The following ECSIT variants were observed in gnomAD, a reference collection of about 807,000 sequenced individuals.
The protein encoded by ECSIT is evolutionarily conserved signaling intermediate in Toll pathway, mitochondrial.
In ECSIT, 29 loss-of-function variants were observed where a neutral mutation model predicts 36.8. That is an observed-to-expected ratio of 0.79 (90% CI 0.59 to 1.08). The LOEUF is 1.08. Among genes scored for constraint, ECSIT ranks in the 50% least tolerant of loss-of-function variants. The probability of loss-of-function intolerance (pLI) is 0.00; values close to 1 mark genes in which losing one functional copy is unlikely to be tolerated. For missense variants in ECSIT, 542 were observed against 581.0 expected (o/e 0.93, Z 0.69); for synonymous variants, 231 against 234.8 (o/e 0.98, Z 0.15).
intron 2 of ECSIT, among the ~76,000 whole-genome samples, chr19:11,517,062 C>T (rs771119417): frequency 1.3e-5 from 2 of 152,084 alleles, no homozygotes; most frequent in Middle Eastern, 3.4e-3. Flanking sequence ...CCACTGTAGA[C>T]ACAGTTGAGC....
rs897286122 is a variant in ECSIT at position 11,519,122 on chromosome 19, A to G, written c.49T>C (p.Trp17Arg). 6.4e-7 allele frequency: 1 copy of G among 1,551,084 alleles called. No individual in the cohort carries two copies. The highest frequency in any genetic ancestry group is 8.7e-7 in the Non-Finnish European group (1 of 1,146,984). The change falls in exon 2 of 8, where the codon TGG becomes CGG. Residue 17 changes from tryptophan (W) to arginine (R), a missense_variant. Trp to Arg is a moderately radical substitution (Grantham distance 101, BLOSUM62 -3). Coordinates refer to ENST00000270517, the MANE Select transcript of ECSIT (RefSeq NM_016581.5). This position sits in a 1 kb window ranked among gnomAD's most constrained non-coding sequence, Gnocchi z 4.4. ...TLLARGLCRAWGGTCGAALTG... is the reference protein window; with the variant it reads ...TLLARGLCRARGGTCGAALTG... Reference sequence around the variant, plus strand: ...AGGGCGGCCCCGCAGGTGCCTCCCCAGGCCCTACAGAGGCCTCGGGCCAGT... The same window carrying G: ...AGGGCGGCCCCGCAGGTGCCTCCCCGGGCCCTACAGAGGCCTCGGGCCAGT...
At chr19:11,510,624 G>A (rs1200354531) in intron 4 of ECSIT, 1 of 152,218 alleles carries the variant, frequency 6.6e-6, no homozygotes, top group East Asian at 1.9e-4. Flanking sequence ...CACCTCTGGG[G>A]AGGGAGACGG....
At chr19:11,523,552 C>CAA in intron 1 of ECSIT, 1 of 1,073,262 alleles carries the variant, frequency 9.3e-7, no homozygotes, top group Admixed American at 1.9e-5. Context: ...GTGAAGCTGC[C>CAA]AAAGCCTTAG....
intron 3 of ECSIT, 148 bp downstream of exon 3, chr19:11,513,656 G>T: frequency 2.1e-6 from 2 of 944,234 alleles, no homozygotes; most frequent in Non-Finnish European, 3.3e-6. Flanking sequence ...AAAGAGAGAT[G>T]AGTGATGAAA....
chr19:11,514,991 A>C (rs1971960849), intron 2 of ECSIT, among the ~76,000 whole-genome samples: 1 of 151,324 alleles, frequency 6.6e-6, no homozygotes, highest in Non-Finnish European at 1.5e-5. Context: ...GACGTGCTCC[A>C]CCACGCCCTG....
At chr19:11,526,939 C>T (rs774693556) in intron 1 of ECSIT, among the ~76,000 whole-genome samples, 23 of 151,820 alleles carry the variant, frequency 1.5e-4, no homozygotes, top group East Asian at 7.8e-4. Context: ...AGGGTGGTCT[C>T]GAACTCCTGA....
intron 1 of ECSIT, among the ~76,000 whole-genome samples, chr19:11,526,048 T>TCC (rs1187397566): frequency 6.6e-6 from 1 of 151,066 alleles, no homozygotes; most frequent in Non-Finnish European, 1.5e-5. Flanking sequence ...CACTGCAACC[T>TCC]CCGTATCCTG....
In ECSIT at chr19:11,506,470, C is replaced by A; in HGVS notation, c.1052-42G>T. 4 of 1,573,880 alleles carry A rather than the reference C, an allele frequency of 2.5e-6. 1 individual carries two copies. In the South Asian group the frequency reaches 4.5e-5, roughly 18 times the overall value. On this transcript the variant is annotated intron_variant, in intron 7 of 7. Transcript: ENST00000270517. ...ACCCTTAAGGTTTGCACAGTGGGGG[C>A]TGCAGCGGCTAACCCATGCCTACAC...
rs2144960760 is a variant in ECSIT at position 11,506,288 on chromosome 19, G to A, written c.1192C>T (p.Arg398Trp). ...PVVFRLAGST[R>W]ELQTSSAGLE... Reference sequence around the variant, plus strand: ...CCTGCAGAGGATGTCTGGAGCTCCCGGGTGGACCCGGCGAGGCGGAAGACC... The same window carrying A: ...CCTGCAGAGGATGTCTGGAGCTCCCAGGTGGACCCGGCGAGGCGGAAGACC... Residue 398 changes from arginine (R) to tryptophan (W), a missense_variant, in exon 8 of 8, where the codon CGG (arginine) becomes TGG (tryptophan). By Grantham distance (101) the Arg-to-Trp change is moderately radical (BLOSUM62 -3). Transcript: ENST00000270517. 6.2e-7 allele frequency: 1 copy of A among 1,612,640 alleles called. No individual in the cohort carries two copies. Among genetic ancestry groups the A allele is most frequent in the East Asian group, 2.2e-5 (1 of 44,874 alleles).
chr19:11,508,418 C>T (rs1386065857), intron 4 of ECSIT, among the ~76,000 whole-genome samples: 1 of 126,170 alleles, frequency 7.9e-6, no homozygotes, highest in Non-Finnish European at 1.6e-5. Context: ...GGGTCTCCCT[C>T]TCTGTCATCC....
intron 4 of ECSIT, among the ~76,000 whole-genome samples, chr19:11,509,701 G>A (rs1971831615): frequency 1.3e-5 from 2 of 151,422 alleles, no homozygotes; most frequent in African/African-American, 4.8e-5. Context: ...CTGGGAGGAG[G>A]AGGTTGTAGT....
At chr19:11,518,535 G>A (rs773481923) in intron 2 of ECSIT, among the ~76,000 whole-genome samples, 2 of 152,138 alleles carry the variant, frequency 1.3e-5, no homozygotes, top group Non-Finnish European at 2.9e-5. Flanking sequence ...GCTGCAGTGA[G>A]CCCTGATTCC....
intron 2 of ECSIT, among the ~76,000 whole-genome samples, chr19:11,517,810 TTGCTATCTATGGCTGTCAATC>T (rs1430375665): frequency 6.6e-6 from 1 of 152,106 alleles, no homozygotes; most frequent in Non-Finnish European, 1.5e-5. Context: ...ATCATCGTTA[TTGCTATCTATGGCTGTCAATC>T]TGCTTTCGCC....
chr19:11,518,862 G>T (rs528983437), intron 2 of ECSIT, among the ~76,000 whole-genome samples: 3 of 152,248 alleles, frequency 2.0e-5, no homozygotes, highest in Admixed American at 2.0e-4. Flanking sequence ...TCACACTACT[G>T]CACTCCAGCC....
chr19:11,506,141 CCG>C lies in ECSIT; in HGVS notation c.*41_*42del. The C allele has an allele frequency of 6.3e-7, 1 of 1,595,022 alleles. No homozygotes were observed. The highest frequency in any genetic ancestry group is 1.1e-5 in the South Asian group (1 of 90,626). ...AAGGGCATCTCATGCCTTCAGTCCA[CCG>C]CCTCCTCGGGCCACAGCCCGTGCCC... On this transcript the variant is annotated 3_prime_UTR_variant, in exon 8 of 8. Coordinates refer to ENST00000270517, the MANE Select transcript of ECSIT (RefSeq NM_016581.5).
Position 11,513,203 on chromosome 19 carries a change from C to T in ECSIT, c.591G>A (p.Leu197=). The T allele has an allele frequency of 6.2e-7, 1 of 1,614,134 alleles. No homozygotes were observed. The highest frequency in any genetic ancestry group is 1.1e-5 in the South Asian group (1 of 91,084). ...FGRKSYPMLK[L]VRLKLWFPRF... is the part of the protein sequence containing the mutation. The stretch of plus-strand genomic sequence containing the variant: ...GAGGGAACCACAGCTTCAGGCGCAC[C>T]AACTTGAGCATGGGGTAGCTTTTGC... The change falls in exon 4 of 8, where the codon TTG becomes TTA. Residue 197 remains leucine (L), a synonymous_variant. Coordinates refer to ENST00000270517, the MANE Select transcript of ECSIT (RefSeq NM_016581.5).
chr19:11,509,954 C>A (rs1051065789), intron 4 of ECSIT, among the ~76,000 whole-genome samples: 2 of 151,638 alleles, frequency 1.3e-5, no homozygotes, highest in Admixed American at 1.3e-4. Context: ...ACTGCAACCT[C>A]CACCTCCTGG....
chr19:11,514,575 T>G (rs151201393), intron 2 of ECSIT, among the ~76,000 whole-genome samples: 2 of 151,508 alleles, frequency 1.3e-5, no homozygotes, highest in Non-Finnish European at 2.9e-5. Flanking sequence ...TAGGCTGGAA[T>G]GTAGTGGTGC....
At chr19:11,509,365 G>A (rs1002904111) in intron 4 of ECSIT, among the ~76,000 whole-genome samples, 1 of 144,848 alleles carries the variant, frequency 6.9e-6, no homozygotes, top group Non-Finnish European at 1.5e-5. Context: ...AAGCCACTGC[G>A]CCCCGCTGAC....
Sources: allele counts gnomAD v4.1 joint callset (sites outside exome capture counted in the v4.1 genomes callset), GRCh38; gene constraint gnomAD v4.1.1; non-coding constraint Gnocchi (gnomAD v3.1); transcripts MANE v1.5; gene names NCBI Gene and HGNC (gene_info 2026-07-23, HGNC 2026-07-21).